Variants in RALGDS observed in about 807,000 individuals in gnomAD.
RALGDS encodes the protein ral guanine nucleotide exchange factor.
RALGDS carries 44 observed loss-of-function variants against 99.8 expected under a neutral mutation model. That is an observed-to-expected ratio of 0.44 (90% CI 0.35 to 0.57). RALGDS has a LOEUF of 0.57. Ranked by LOEUF, RALGDS falls within the 20% of genes least tolerant of loss-of-function variation. The probability of loss-of-function intolerance (pLI) is 0.01; values close to 1 mark genes in which losing one functional copy is unlikely to be tolerated. For synonymous variants in RALGDS, 529 were observed against 505.0 expected, an observed-to-expected ratio of 1.05 and a Z score of -0.64; for missense variants, 1,022 against 1,203.1, an observed-to-expected ratio of 0.85 and a Z score of 2.23.
At chr9:133,107,344 T>G in intron 6 of RALGDS, 44 bp from the exon 7 acceptor site, 1 of 1,526,648 alleles carries the variant, frequency 6.6e-7, no homozygotes, top group Admixed American at 1.8e-5. Context: ...CCCAGCAGTC[T>G]GGGCTGGTGC....
intron 1 of RALGDS, among the ~76,000 whole-genome samples, chr9:133,145,421 C>T (rs564768463): frequency 2.6e-4 from 38 of 144,826 alleles, no homozygotes; most frequent in Non-Finnish European, 4.6e-4. Flanking sequence ...GAGACAGATA[C>T]GAAATGAATG....
chr9:133,100,528 C>T (rs1830707541), intron 16 of RALGDS, 146 bp from the exon 17 acceptor site: 1 of 1,533,074 alleles, frequency 6.5e-7, no homozygotes, highest in African/African-American at 1.4e-5. Context: ...CCGGAGAGGG[C>T]CTTGTCACAT....
intron 1 of RALGDS, among the ~76,000 whole-genome samples, chr9:133,115,239 G>A (rs552870204): frequency 2.0e-5 from 3 of 152,300 alleles, no homozygotes; most frequent in East Asian, 1.9e-4. Flanking sequence ...CTTGGAAACC[G>A]TAGCTAGTGG....
At chr9:133,099,026 C>A (rs1410250142) in intron 17 of RALGDS, 1 of 478,972 alleles carries the variant, frequency 2.1e-6, no homozygotes, top group Non-Finnish European at 3.8e-6. Context: ...GGCAGAGGGT[C>A]ACCCCGTCCT....
At chr9:133,148,547 GGT>G (rs1308875116) in intron 1 of RALGDS, among the ~76,000 whole-genome samples, 4 of 152,202 alleles carry the variant, frequency 2.6e-5, no homozygotes, top group Admixed American at 6.5e-5. Flanking sequence ...GGAAGTGTGT[GGT>G]GTGTGTGTCT....
intron 1 of RALGDS, among the ~76,000 whole-genome samples, chr9:133,117,725 C>A (rs897454974): frequency 6.6e-6 from 1 of 152,242 alleles, no homozygotes; most frequent in African/African-American, 2.4e-5. Context: ...GGAAGTCCAA[C>A]CCTGGGACTG....
chr9:133,143,311 C>T (rs1225882787), intron 1 of RALGDS, among the ~76,000 whole-genome samples: 2 of 152,200 alleles, frequency 1.3e-5, no homozygotes, highest in African/African-American at 4.8e-5. Context: ...AGGCACCCAG[C>T]GCCAGCCAGG....
At chr9:133,100,473 C>T in intron 16 of RALGDS, 91 bp from the exon 17 acceptor site, 3 of 1,603,816 alleles carry the variant, frequency 1.9e-6, no homozygotes, top group Non-Finnish European at 2.5e-6. Context: ...GGAGTCCCCT[C>T]AGCACCAAGC....
intron 7 of RALGDS, 59 bp downstream of exon 7, chr9:133,107,026 A>G: frequency 1.3e-6 from 2 of 1,584,082 alleles, no homozygotes; most frequent in Non-Finnish European, 1.7e-6. Context: ...TGGACTGCAG[A>G]CCACAACCTG....
At chr9:133,123,096 C>T (rs1314013748), upstream of RALGDS, among the ~76,000 whole-genome samples, 1 of 152,028 alleles carries the variant, frequency 6.6e-6, no homozygotes, top group South Asian at 2.1e-4. Context: ...AGCCGTTTGG[C>T]CAGGGAGGGT....
intron 1 of RALGDS, 103 bp from the exon 2 acceptor site, chr9:133,112,255 A>G: frequency 1.3e-6 from 1 of 776,390 alleles, no homozygotes; most frequent in South Asian, 1.5e-5. Flanking sequence ...GATAGGGCAC[A>G]GACTGGCGGC....
upstream of RALGDS, chr9:133,121,385 A>G (rs1048446230): frequency 4.4e-6 from 1 of 229,234 alleles, no homozygotes; most frequent in Admixed American, 6.6e-5. Context: ...CCGAGGTCAG[A>G]CCCGGGGCGG....
At chr9:133,105,566 G>T (rs1830976115) in intron 9 of RALGDS, among the ~76,000 whole-genome samples, 1 of 152,102 alleles carries the variant, frequency 6.6e-6, no homozygotes, top group Non-Finnish European at 1.5e-5. Context: ...GCCTCCCGGG[G>T]ACAGACTGGG....
chr9:133,120,428 A>ACCCCCCC (rs71378548), intron 1 of RALGDS, among the ~76,000 whole-genome samples: 20 of 60,024 alleles, frequency 3.3e-4, no homozygotes, highest in South Asian at 8.1e-4. Flanking sequence ...CCATCCCCCG[A>ACCCCCCC]CCCCCCCCCC....
At position 133,108,344 on chromosome 9, in the gene RALGDS, G is replaced by C. The variant is rs759155640; in HGVS notation, c.841C>G (p.Arg281Gly). 1.9e-5 allele frequency: 30 copies of C among 1,541,358 alleles called. No homozygotes were observed. In the African/African-American group the frequency reaches 2.3e-4, roughly 12 times the overall value. ...GGAGCCGGCACTGGGCTGGGTGCTCGAGCTGGTGTTAGAGCTAGCTCGAGC... is the reference window on the plus strand; with the variant it reads ...GGAGCCGGCACTGGGCTGGGTGCTCCAGCTGGTGTTAGAGCTAGCTCGAGC... ...PELELALTPA[R>G]APSPVPAPAP... is the part of the protein sequence containing the mutation. The change falls in exon 6 of 18, where the codon CGA becomes GGA. Residue 281 changes from arginine (R) to glycine (G), a missense_variant. Transcript: ENST00000372050.
At chr9:133,110,117 G>A (rs563391064) in intron 3 of RALGDS, among the ~76,000 whole-genome samples, 179 bp downstream of exon 3, 2 of 152,266 alleles carry the variant, frequency 1.3e-5, no homozygotes, top group African/African-American at 2.4e-5. Context: ...CACTTTCCAC[G>A]CCTCATCCCG....
upstream of RALGDS, among the ~76,000 whole-genome samples, chr9:133,135,982 TGAA>T (rs1346788787): frequency 2.6e-5 from 4 of 152,082 alleles, no homozygotes; most frequent in Non-Finnish European, 5.9e-5. Flanking sequence ...ATTTCTCTAC[TGAA>T]GGAGATGAGG....
Position 133,108,006 on chromosome 9 carries a change from C to T in RALGDS, c.1179G>A (p.Gln393=). The stretch of plus-strand genomic sequence containing the variant: ...TGCTCACCGCATCCATCAGTGTAAA[C>T]TGCTCTGCCACCAGATCTGGAGGGA... ...LVFPPDLVAE[Q]FTLMDAELFK... Residue 393 remains glutamine, a synonymous_variant, in exon 6 of 18, where the codon CAG becomes CAA. Transcript: ENST00000372050. 1.2e-6 allele frequency: 2 copies of T among 1,613,340 alleles called. No individual in the cohort carries two copies. The highest frequency in any genetic ancestry group is 1.7e-6 in the Non-Finnish European group (2 of 1,180,036).
upstream of RALGDS, chr9:133,121,329 G>T: frequency 1.5e-6 from 1 of 646,880 alleles, no homozygotes; most frequent in Non-Finnish European, 1.9e-6. Flanking sequence ...CGGAACCGGA[G>T]AGTCCGAGGG....
Sources: allele counts gnomAD v4.1 joint callset (sites outside exome capture counted in the v4.1 genomes callset), GRCh38; gene constraint gnomAD v4.1.1; transcripts MANE v1.5; gene names NCBI Gene and HGNC (gene_info 2026-07-23, HGNC 2026-07-21).